ZNF558: variants seen among roughly 807,000 people sequenced by gnomAD.
ZNF558 encodes the protein zinc finger protein 558.
ZNF558 carries 23 observed loss-of-function variants against 37.6 expected under a neutral mutation model. The observed-to-expected ratio is 0.61, with a 90% CI of 0.44 to 0.87. ZNF558 has a LOEUF of 0.87. Ranked by LOEUF, ZNF558 falls within the 40% of genes least tolerant of loss-of-function variation. ZNF558 has a pLI of 0.00. For missense variants in ZNF558, 429 were observed against 483.7 expected, an observed-to-expected ratio of 0.89 and a Z score of 1.06; for synonymous variants, 189 against 174.4, an observed-to-expected ratio of 1.08 and a Z score of -0.66.
chr19:8,835,865 T>C (rs907501636), upstream of ZNF558, among the ~76,000 whole-genome samples: 5 of 152,224 alleles, frequency 3.3e-5, no homozygotes, highest in African/African-American at 1.2e-4. Flanking sequence ...ACATATTCCA[T>C]GGATGAACCT....
rs145649277 is a variant in ZNF558 at position 8,813,548 on chromosome 19, G to A, written c.248-326C>T. On this transcript the variant is annotated intron_variant, in intron 7 of 9. Transcript: ENST00000601372. Reference sequence around the variant, plus strand: ...TAATTTTTGTATTTTTAGTAGAGACGGGGTTTCACCATATTGGCCAGGCAG... The same window carrying A: ...TAATTTTTGTATTTTTAGTAGAGACAGGGTTTCACCATATTGGCCAGGCAG... 3.8e-3 allele frequency among the ~76,000 whole-genome samples: 581 copies of A among 152,120 alleles called. 8 individuals carry two copies. The highest frequency in any genetic ancestry group is 0.013 in the African/African-American group (554 of 41,478).
chr19:8,822,095 G>A lies in ZNF558; in HGVS notation c.32-4C>T, dbSNP rs769025172. 2 of 1,613,946 alleles carry A rather than the reference G, an allele frequency of 1.2e-6. No individual in the cohort carries two copies. The highest frequency in any genetic ancestry group is 3.3e-5 in the Admixed American group (2 of 60,002). ...GCTGGGAACAGGGAAGACGGAGCTG[G>A]AGGAGGAGAAATGAGTCCCATGGAT... On this transcript the variant is annotated splice_polypyrimidine_tract_variant and splice_region_variant and intron_variant, in intron 5 of 9. Transcript: ENST00000601372. The surrounding 1 kb of genome is among the most constrained non-coding windows in gnomAD (Gnocchi z 4.4).
intron 7 of ZNF558, among the ~76,000 whole-genome samples, chr19:8,816,754 A>AT (rs1210469095): frequency 6.6e-6 from 1 of 152,258 alleles, no homozygotes; most frequent in African/African-American, 2.4e-5. Flanking sequence ...AGAGGTGAAT[A>AT]TAAAAGTCAC....
intron 2 of ZNF558, among the ~76,000 whole-genome samples, chr19:8,827,516 A>AGTATG (rs2044258190): frequency 6.8e-6 from 1 of 148,014 alleles, no homozygotes; most frequent in Admixed American, 6.7e-5. Flanking sequence ...AGTGAGGCCT[A>AGTATG]GTATGGTTCT....
At chr19:8,814,384 T>G (rs1555769552) in intron 7 of ZNF558, among the ~76,000 whole-genome samples, 2 of 152,264 alleles carry the variant, frequency 1.3e-5, no homozygotes, top group East Asian at 3.9e-4. Flanking sequence ...GGAACACACG[T>G]GATCGACAGA....
In ZNF558 at chr19:8,807,543, C is replaced by G. The variant is rs1199842177; in HGVS notation, c.*3738G>C. ...ATCATCTTTTACTGCTCCCTCATCA[C>G]CCCTTTGTTCCACTCCAGCTGTATT... is the stretch of plus-strand genomic sequence containing the variant. On this transcript the variant is annotated 3_prime_UTR_variant, in exon 10 of 10. Transcript: ENST00000601372. 1 of 152,194 alleles carries G rather than the reference C, an allele frequency of 6.6e-6. No homozygotes were observed. The highest frequency in any genetic ancestry group is 1.5e-5 in the Non-Finnish European group (1 of 68,030). The allele number at this position is 152,194 out of a possible 1,614,324, so 9.4% of individuals were successfully genotyped here. A position where few individuals can be genotyped will look rare whatever the true frequency, so the allele number is the denominator to read the frequency against.
chr19:8,812,836 AGAG>A (rs1441030954), intron 8 of ZNF558, among the ~76,000 whole-genome samples, 193 bp from the exon 9 acceptor site: 3 of 152,236 alleles, frequency 2.0e-5, no homozygotes, highest in African/African-American at 7.2e-5. Flanking sequence ...CAGATTGACA[AGAG>A]GAGTGATCAG....
At chr19:8,815,055 AC>A (rs36047211) in intron 7 of ZNF558, among the ~76,000 whole-genome samples, 129,958 of 152,078 alleles carry the variant, frequency 0.85, 55,961 homozygotes, top group African/African-American at 0.96. Context: ...TATTCCAAAT[AC>A]CCTAGTTTCA....
At position 8,822,100 on chromosome 19, in the gene ZNF558, G is replaced by A. The variant is rs372127028; in HGVS notation, c.32-9C>T. 1.9e-6 allele frequency: 3 copies of A among 1,613,942 alleles called. No individual in the cohort carries two copies. In the South Asian group the frequency reaches 3.3e-5, roughly 18 times the overall value. On this transcript the variant is annotated splice_polypyrimidine_tract_variant and intron_variant, in intron 5 of 9. Transcript: ENST00000601372. The surrounding 1 kb of genome is among the most constrained non-coding windows in gnomAD (Gnocchi z 4.4). ...GAACAGGGAAGACGGAGCTGGAGGA[G>A]GAGAAATGAGTCCCATGGATTCAGG...
In ZNF558 at chr19:8,809,140, A is replaced by C. The variant is rs1304067560; in HGVS notation, c.*2141T>G. The C allele has an allele frequency of 2.0e-5, 3 of 152,226 alleles. No individual in the cohort carries two copies. The highest frequency in any genetic ancestry group is 7.2e-5 in the African/African-American group (3 of 41,458). The allele number at this position is 152,226 out of a possible 1,614,324, so 9.4% of individuals were successfully genotyped here. A position where few individuals can be genotyped will look rare whatever the true frequency, so the allele number is the denominator to read the frequency against. On this transcript the variant is annotated 3_prime_UTR_variant, in exon 10 of 10. Transcript: ENST00000601372. ...TAAGGAGTCCAGAGCAGATGCAGCC[A>C]ATCGGAGGCTCCTGGAGAGCCCAAA...
chr19:8,814,214 G>A (rs1555769490), intron 7 of ZNF558, among the ~76,000 whole-genome samples: 2 of 152,130 alleles, frequency 1.3e-5, no homozygotes, highest in African/African-American at 4.8e-5. Context: ...CTACAACCTT[G>A]AAGACAACAG....
upstream of ZNF558, among the ~76,000 whole-genome samples, chr19:8,834,908 G>A (rs1278118508): frequency 2.0e-5 from 3 of 151,946 alleles, no homozygotes; most frequent in Non-Finnish European, 2.9e-5. Flanking sequence ...TGCTTCAAAG[G>A]ACACCATCAA....
At chr19:8,831,508 A>G (rs951373746) in intron 1 of ZNF558, 107 bp from the exon 2 acceptor site, 1 of 151,882 alleles carries the variant, frequency 6.6e-6, no homozygotes, top group African/African-American at 2.4e-5. Context: ...TTTTTTGGGT[A>G]CTCAATGATT....
rs1188733641 is a variant in ZNF558, at chr19:8,807,013, G to T, written c.*4268C>A. 6.6e-6 allele frequency: 1 copy of T among 151,996 alleles called. No homozygotes were observed. Among genetic ancestry groups the T allele is most frequent in the Non-Finnish European group, 1.5e-5 (1 of 67,984 alleles). The allele number at this position is 151,996 out of a possible 1,614,324, so 9.4% of individuals were successfully genotyped here. A position where few individuals can be genotyped will look rare whatever the true frequency, so the allele number is the denominator to read the frequency against. The stretch of plus-strand genomic sequence containing the variant: ...CCATTTCCCTTAACATATTATTCTT[G>T]GTTATTTTAAAGTCTTTGTCTGCTA... On this transcript the variant is annotated 3_prime_UTR_variant, in exon 10 of 10. Transcript: ENST00000601372.
chr19:8,834,553 A>C (rs145743726), upstream of ZNF558, among the ~76,000 whole-genome samples: 426 of 151,102 alleles, frequency 2.8e-3, 2 homozygotes, highest in African/African-American at 8.5e-3. Context: ...GATTGCAGTG[A>C]GCCGAGATCA....
intron 7 of ZNF558, among the ~76,000 whole-genome samples, chr19:8,816,022 GAATA>G (rs2145211302): frequency 6.6e-6 from 1 of 151,168 alleles, no homozygotes; most frequent in East Asian, 2.0e-4. Flanking sequence ...AACTCAAGTA[GAATA>G]AATTTGAAAA....
intron 6 of ZNF558, 81 bp downstream of exon 6, chr19:8,821,922 G>A (rs2044102318): frequency 6.3e-7 from 1 of 1,579,732 alleles, no homozygotes; most frequent in Non-Finnish European, 8.6e-7. Context: ...TTGGCCATGA[G>A]GCTCCAGGCT....
At chr19:8,817,778 G>T (rs1380134590) in intron 7 of ZNF558, among the ~76,000 whole-genome samples, 1 of 152,066 alleles carries the variant, frequency 6.6e-6, no homozygotes, top group African/African-American at 2.4e-5. Flanking sequence ...ATCAATTTAT[G>T]GAGAAAATGT....
chr19:8,835,910 T>TA (rs1046705727), upstream of ZNF558, among the ~76,000 whole-genome samples: 5 of 152,180 alleles, frequency 3.3e-5, no homozygotes, highest in East Asian at 5.8e-4. Flanking sequence ...AAGCCACTCA[T>TA]AAAAAACCCA....
Sources: allele counts gnomAD v4.1 joint callset (sites outside exome capture counted in the v4.1 genomes callset), GRCh38; gene constraint gnomAD v4.1.1; non-coding constraint Gnocchi (gnomAD v3.1); transcripts MANE v1.5; gene names NCBI Gene and HGNC (gene_info 2026-07-23, HGNC 2026-07-21).